The following CACNB2 variants were observed in gnomAD, a reference collection of about 807,000 sequenced individuals.
CACNB2 encodes the protein calcium voltage-gated channel auxiliary subunit beta 2.
CACNB2 carries 42 observed loss-of-function variants against 73.3 expected under a neutral mutation model. The observed-to-expected ratio is 0.57, with a 90% CI of 0.45 to 0.74. The LOEUF is 0.74. CACNB2 is among the 30% of genes least tolerant of loss of function. The pLI is 0.00. For missense variants in CACNB2, 940 were observed against 853.0 expected (o/e 1.10, Z -1.27); for synonymous variants, 348 against 310.3 (o/e 1.12, Z -1.28).
intron 2 of CACNB2, among the ~76,000 whole-genome samples, chr10:18,219,472 GA>G (rs1384299398): frequency 6.6e-6 from 1 of 152,132 alleles, no homozygotes; most frequent in Non-Finnish European, 1.5e-5. Context: ...TAGTTCTAGA[GA>G]ATTCTTTTCC....
intron 3 of CACNB2, among the ~76,000 whole-genome samples, chr10:18,440,865 C>CCAGA (rs2046377931): frequency 6.6e-6 from 1 of 152,068 alleles, no homozygotes; most frequent in African/African-American, 2.4e-5. Context: ...GACTTGCAGG[C>CCAGA]CAGAGATGCA....
At chr10:18,217,192 T>G (rs946707767) in intron 2 of CACNB2, among the ~76,000 whole-genome samples, 2 of 152,094 alleles carry the variant, frequency 1.3e-5, no homozygotes, top group African/African-American at 4.8e-5. Flanking sequence ...ACAAATACTA[T>G]AAATAAGTCG....
chr10:18,269,366 C>T lies in CACNB2; in HGVS notation c.213+118391C>T, dbSNP rs1220530607. On this transcript the variant is annotated intron_variant, in intron 2 of 13. Transcript: ENST00000324631. ...CCCTTCACTTCTGTGATACCACATTCTCCTGTCTCCATTTTTTTCTTCCTA... is the reference window on the plus strand; with the variant it reads ...CCCTTCACTTCTGTGATACCACATTTTCCTGTCTCCATTTTTTTCTTCCTA... Among the ~76,000 whole-genome samples the T allele has an allele frequency of 3.3e-5, 5 of 152,164 alleles. No homozygotes were observed. The East Asian group carries it at 9.6e-4, about 29-fold the overall frequency.
At chr10:18,237,309 A>G (rs866939758) in intron 2 of CACNB2, among the ~76,000 whole-genome samples, 5 of 152,228 alleles carry the variant, frequency 3.3e-5, no homozygotes, top group African/African-American at 4.8e-5. Flanking sequence ...ATTTTACTCA[A>G]TTAGGGTTGC....
intron 2 of CACNB2, among the ~76,000 whole-genome samples, chr10:18,309,054 C>T (rs920642540): frequency 3.9e-5 from 6 of 152,046 alleles, no homozygotes; most frequent in South Asian, 4.1e-4. Context: ...CTTCTCCCCT[C>T]GTCGTTACCA....
At chr10:18,401,424 G>A (rs1284729304) in intron 2 of CACNB2, among the ~76,000 whole-genome samples, 1 of 152,186 alleles carries the variant, frequency 6.6e-6, no homozygotes, top group East Asian at 1.9e-4. Flanking sequence ...AATAGCAGGT[G>A]TATAAAAAGG....
chr10:18,205,413 A>G (rs565507642), intron 2 of CACNB2, among the ~76,000 whole-genome samples: 3 of 152,328 alleles, frequency 2.0e-5, no homozygotes, highest in South Asian at 2.1e-4. Context: ...TTGTCTATAT[A>G]TGCATAGAGG....
At chr10:18,286,352 TAA>T (rs1396677925) in intron 2 of CACNB2, among the ~76,000 whole-genome samples, 25 of 151,330 alleles carry the variant, frequency 1.7e-4, no homozygotes, top group East Asian at 9.8e-4. Flanking sequence ...CCGTCTCTAC[TAA>T]AAAAATACAA....
rs183186142 is a variant in CACNB2 at position 18,312,600 on chromosome 10, G to T, written c.214-89324G>T. On this transcript the variant is annotated intron_variant, in intron 2 of 13. Coordinates refer to ENST00000324631, the MANE Select transcript of CACNB2 (RefSeq NM_201596.3). ...TAAGTGTGTGTGTTTGAAGGTGTGG[G>T]GTGGCAGGATGCAGGGAGGAAGAGC... is the stretch of plus-strand genomic sequence containing the variant. 3.3e-5 allele frequency among the ~76,000 whole-genome samples: 5 copies of T among 152,242 alleles called. No homozygotes were observed. The East Asian group carries it at 9.6e-4, about 29-fold the overall frequency.
chr10:18,220,024 C>T (rs1320430375), intron 2 of CACNB2, among the ~76,000 whole-genome samples: 14 of 147,782 alleles, frequency 9.5e-5, no homozygotes, highest in African/African-American at 3.5e-4. Context: ...TCCTAAGCCT[C>T]CCAAAATGCT....
At chr10:18,304,017 A>G (rs542936596) in intron 2 of CACNB2, among the ~76,000 whole-genome samples, 1 of 152,300 alleles carries the variant, frequency 6.6e-6, no homozygotes, top group Non-Finnish European at 1.5e-5. Context: ...GTGCAGTAGC[A>G]CAGTCACAGC....
At chr10:18,402,071 C>A in intron 3 of CACNB2, 28 bp downstream of exon 3, 1 of 1,611,540 alleles carries the variant, frequency 6.2e-7, no homozygotes, top group Non-Finnish European at 8.5e-7. Flanking sequence ...CTGCCAAGAT[C>A]TTTGCAAGTT....
chr10:18,319,919 C>T (rs1194956649), intron 2 of CACNB2, among the ~76,000 whole-genome samples: 1 of 152,098 alleles, frequency 6.6e-6, no homozygotes, highest in Non-Finnish European at 1.5e-5. Flanking sequence ...AACAGAGAGG[C>T]CAGGGCAGCT....
chr10:18,435,351 G>A (rs1048652994), intron 3 of CACNB2, among the ~76,000 whole-genome samples: 32 of 152,112 alleles, frequency 2.1e-4, no homozygotes, highest in African/African-American at 7.0e-4. Flanking sequence ...GACAATAGGT[G>A]GCATCTACAT....
At chr10:18,281,836 C>T (rs915448369) in intron 2 of CACNB2, among the ~76,000 whole-genome samples, 7 of 151,888 alleles carry the variant, frequency 4.6e-5, no homozygotes, top group East Asian at 1.9e-4. Context: ...AAAAATTAGC[C>T]GGGCATGATA....
chr10:18,183,263 C>G (rs1259325465), intron 2 of CACNB2, among the ~76,000 whole-genome samples: 4 of 152,188 alleles, frequency 2.6e-5, no homozygotes, highest in Admixed American at 1.3e-4. Flanking sequence ...CTGAAGCAGA[C>G]AGCTATCATC....
chr10:18,526,013 G>A (rs1190722896), intron 9 of CACNB2, among the ~76,000 whole-genome samples: 1 of 152,048 alleles, frequency 6.6e-6, no homozygotes, highest in Non-Finnish European at 1.5e-5. Context: ...TCTCTCATGA[G>A]GTTTTCTGAA....
rs58225473 is a variant in CACNB2, at chr10:18,539,706, T to G, written c.1965T>G (p.Asp655Glu). ...KRNEAGEWNR[D>E]VYIRQ ...ATGAGGCTGGGGAGTGGAACAGGGA[T>G]GTTTACATCCGCCAATGAGTTTTGC... The change falls in exon 14 of 14, where the codon GAT (aspartate) becomes GAG (glutamate). Residue 655 changes from aspartate (D) to glutamate (E), a missense_variant. Transcript: ENST00000324631. The G allele has an allele frequency of 0.16, 259,024 of 1,606,432 alleles. 22,730 individuals carry two copies. The highest frequency in any genetic ancestry group is 0.2 in the Middle Eastern group (1,181 of 6,000).
intron 2 of CACNB2, among the ~76,000 whole-genome samples, chr10:18,309,310 C>T (rs1368777116): frequency 6.6e-6 from 1 of 152,074 alleles, no homozygotes; most frequent in East Asian, 1.9e-4. Context: ...ACATAAGCAC[C>T]AGACTGCCAA....
Sources: gnomAD v4.1 joint callset for allele counts (sites outside exome capture counted in the v4.1 genomes callset) on GRCh38, gnomAD v4.1.1 for gene constraint, MANE v1.5 for transcripts, NCBI Gene and HGNC (gene_info 2026-07-23, HGNC 2026-07-21) for gene names.